CCNJ: variants seen among roughly 807,000 people sequenced by gnomAD.
The protein encoded by CCNJ is cyclin-J.
Under a neutral mutation model 41.4 loss-of-function variants are expected in CCNJ, and 12 were observed. The ratio of observed to expected loss-of-function variants is 0.29; its 90% confidence interval spans 0.19 to 0.47. CCNJ has a LOEUF of 0.47. Ranked by LOEUF, CCNJ falls within the 20% of genes least tolerant of loss-of-function variation. The probability of loss-of-function intolerance (pLI) is 1.00; values close to 1 mark genes in which losing one functional copy is unlikely to be tolerated. For synonymous variants in CCNJ, 161 were observed against 173.4 expected (o/e 0.93, Z 0.56); for missense variants, 340 against 464.6 (o/e 0.73, Z 2.47).
At position 96,058,358 on chromosome 10, in the gene CCNJ, G is replaced by A. The variant is rs1365551411; in HGVS notation, c.*117G>A. On this transcript the variant is annotated 3_prime_UTR_variant, in exon 6 of 6. Coordinates refer to ENST00000465148, the MANE Select transcript of CCNJ (RefSeq NM_001134375.2). ...TCTAAATGACATCAGAACTCTTCAG[G>A]TACCAGCACCAGGAAGACTGAATAT... is the stretch of plus-strand genomic sequence containing the variant. 1.6e-4 allele frequency: 127 copies of A among 789,578 alleles called. No homozygotes were observed. Among genetic ancestry groups the A allele is most frequent in the Non-Finnish European group, 1.0e-5 (5 of 490,770 alleles). The allele number at this position is 789,578 out of a possible 1,614,324, so 48.9% of individuals were successfully genotyped here. A position where few individuals can be genotyped will look rare whatever the true frequency, so the allele number is the denominator to read the frequency against.
chr10:96,055,845 A>G (rs952715943), intron 3 of CCNJ, among the ~76,000 whole-genome samples: 15 of 152,230 alleles, frequency 9.9e-5, no homozygotes, highest in African/African-American at 3.6e-4. Flanking sequence ...ATTCAGAAGA[A>G]GTGGGGGATG....
chr10:96,052,821 T>A (rs1440455722), intron 3 of CCNJ, among the ~76,000 whole-genome samples: 2 of 152,226 alleles, frequency 1.3e-5, no homozygotes, highest in South Asian at 2.1e-4. Flanking sequence ...TTCTTCCTTT[T>A]GCATTGGAGA....
chr10:96,049,531 G>A (rs1246973649), intron 2 of CCNJ, among the ~76,000 whole-genome samples: 4 of 120,028 alleles, frequency 3.3e-5, no homozygotes, highest in Non-Finnish European at 5.1e-5. Flanking sequence ...TTTTGGTATC[G>A]TATCCCTGTT....
At position 96,044,366 on chromosome 10, in the gene CCNJ, C is replaced by T. The variant is rs1375521248; in HGVS notation, c.-28C>T. The T allele has an allele frequency of 1.3e-6, 2 of 1,501,184 alleles. No homozygotes were observed. Among genetic ancestry groups the T allele is most frequent in the African/African-American group, 1.4e-5 (1 of 70,458 alleles). The allele number at this position is 1,501,184 out of a possible 1,614,324, so 93.0% of individuals were successfully genotyped here. On this transcript the variant is annotated 5_prime_UTR_variant, in exon 2 of 6. Transcript: ENST00000465148. ...TGTGTCTTACAGACTCGAGTTGCCG[C>T]GTCGGGCTGGGCGCGCCGCCGGGTC...
intron 2 of CCNJ, among the ~76,000 whole-genome samples, chr10:96,047,503 C>A (rs925079370): frequency 1.2e-4 from 18 of 152,046 alleles, no homozygotes; most frequent in Non-Finnish European, 2.4e-4. Context: ...CTGGGCGTGG[C>A]AGTGAGCGCT....
At chr10:96,043,367 GCCAGGCCAGC>G (rs1471765547), upstream of CCNJ, 23 of 347,040 alleles carry the variant, frequency 6.6e-5, no homozygotes, top group East Asian at 8.6e-4. Flanking sequence ...CAACCGAAGC[GCCAGGCCAGC>G]CCAGGCCACG....
Position 96,057,978 on chromosome 10 carries a change from A to C in CCNJ, c.889A>C (p.Thr297Pro). ...TCAGTATCTCCATCAGACACATCAG[A>C]CCTCACTGCAGTATCGCCATCCTAC... is the stretch of plus-strand genomic sequence containing the variant. ...QPQYLHQTHQ[T>P]SLQYRHPTSE... Residue 297 changes from threonine to proline, a missense_variant, in exon 6 of 6, where the codon ACC becomes CCC. Physicochemically the swap from Thr to Pro is conservative, Grantham distance 38. Coordinates refer to ENST00000465148, the MANE Select transcript of CCNJ (RefSeq NM_001134375.2). 1 of 1,614,082 alleles carries C rather than the reference A, an allele frequency of 6.2e-7. No homozygotes were observed. Among genetic ancestry groups the C allele is most frequent in the Non-Finnish European group, 8.5e-7 (1 of 1,180,010 alleles).
chr10:96,055,434 G>A (rs1184004033), intron 3 of CCNJ, among the ~76,000 whole-genome samples: 1 of 152,224 alleles, frequency 6.6e-6, no homozygotes, highest in Non-Finnish European at 1.5e-5. Flanking sequence ...AAGACCCAAA[G>A]AGGCTTGATG....
intron 1 of CCNJ, among the ~76,000 whole-genome samples, chr10:96,043,990 C>T (rs568523661): frequency 1.4e-3 from 216 of 152,318 alleles, no homozygotes; most frequent in African/African-American, 5.1e-3. Context: ...CACCTCTCCC[C>T]GCTCCTCAGG....
intron 2 of CCNJ, among the ~76,000 whole-genome samples, chr10:96,049,471 TTTTC>T (rs1391723410): frequency 6.9e-5 from 9 of 129,516 alleles, no homozygotes; most frequent in African/African-American, 1.6e-4. Context: ...TCTCTTTTCT[TTTTC>T]TTTTTCTTTT....
At chr10:96,044,524 G>C (rs2080307323) in intron 2 of CCNJ, 62 bp downstream of exon 2, 3 of 1,326,956 alleles carry the variant, frequency 2.3e-6, no homozygotes, top group East Asian at 2.7e-5. Context: ...TCTGAATCTC[G>C]GCTCTCTAGA....
intron 2 of CCNJ, among the ~76,000 whole-genome samples, chr10:96,049,473 TTC>T (rs1491228008): frequency 7.7e-6 from 1 of 130,614 alleles, no homozygotes; most frequent in African/African-American, 3.2e-5. Flanking sequence ...TCTTTTCTTT[TTC>T]TTTTTCTTTT....
At chr10:96,046,135 C>T (rs1039064341) in intron 2 of CCNJ, among the ~76,000 whole-genome samples, 1 of 152,036 alleles carries the variant, frequency 6.6e-6, no homozygotes, top group Non-Finnish European at 1.5e-5. Context: ...GGATTAGTTT[C>T]TGGAGCATCC....
Position 96,057,156 on chromosome 10 carries a change from C to T in CCNJ, c.649C>T (p.Leu217Phe). ...ATGTGTGGCTTCTTCGAGGATTATA[C>T]TTCGTCTTTCTCCAACGTGGCCTAC... The part of the protein sequence containing the change: ...AACVASSRII[L>F]RLSPTWPTRL... The change falls in exon 5 of 6, where the codon CTT (leucine) becomes TTT (phenylalanine). Residue 217 changes from leucine (L) to phenylalanine (F), a missense_variant. Coordinates refer to ENST00000465148, the MANE Select transcript of CCNJ (RefSeq NM_001134375.2). 1.2e-6 allele frequency: 2 copies of T among 1,613,986 alleles called. No homozygotes were observed. Among genetic ancestry groups the T allele is most frequent in the Non-Finnish European group, 1.7e-6 (2 of 1,179,834 alleles).
chr10:96,048,965 ACT>A (rs760273914), intron 2 of CCNJ, among the ~76,000 whole-genome samples: 4 of 152,004 alleles, frequency 2.6e-5, no homozygotes, highest in South Asian at 2.1e-4. Flanking sequence ...TCATGTGGTA[ACT>A]CTGTTTAATT....
intron 2 of CCNJ, among the ~76,000 whole-genome samples, chr10:96,047,869 A>G (rs1001453952): frequency 6.6e-6 from 1 of 152,084 alleles, no homozygotes; most frequent in African/African-American, 2.4e-5. Flanking sequence ...TACTGCACAG[A>G]TCATCCCATC....
chr10:96,057,917 C>T lies in CCNJ; in HGVS notation c.828C>T (p.Ala276=), dbSNP rs1424684294. The change falls in exon 6 of 6, where the codon GCC becomes GCT. Residue 276 remains alanine, a synonymous_variant. Transcript: ENST00000465148. ...QSAQLSVFQT[A]SQPSRPVHFQ... is the part of the protein sequence containing the mutation. ...CGCAACTAAGTGTATTCCAGACAGCCTCCCAGCCATCACGGCCAGTTCACT... is the reference window on the plus strand; with the variant it reads ...CGCAACTAAGTGTATTCCAGACAGCTTCCCAGCCATCACGGCCAGTTCACT... 2 of 1,614,186 alleles carry T rather than the reference C, an allele frequency of 1.2e-6. No homozygotes were observed. The highest frequency in any genetic ancestry group is 3.3e-5 in the Admixed American group (2 of 60,024).
intron 2 of CCNJ, among the ~76,000 whole-genome samples, chr10:96,045,628 T>G (rs1018898178): frequency 6.7e-6 from 1 of 149,580 alleles, no homozygotes; most frequent in African/African-American, 2.6e-5. Flanking sequence ...CTCTGGAGTG[T>G]TAGTTAGGAA....
chr10:96,044,988 C>CTTAGA (rs2142022329), intron 2 of CCNJ, among the ~76,000 whole-genome samples: 1 of 152,244 alleles, frequency 6.6e-6, no homozygotes, highest in Admixed American at 6.5e-5. Context: ...CGTACATGTG[C>CTTAGA]TTAGAAACTG....
Sources: allele counts gnomAD v4.1 joint callset (sites outside exome capture counted in the v4.1 genomes callset), GRCh38; gene constraint gnomAD v4.1.1; transcripts MANE v1.5; gene names NCBI Gene and HGNC (gene_info 2026-07-23, HGNC 2026-07-21).